The following KANK1 variants were observed in gnomAD, a reference collection of about 807,000 sequenced individuals.
The protein encoded by KANK1 is KN motif and ankyrin repeat domains 1, also known as KN motif and ankyrin repeat domain-containing protein 1.
KANK1 carries 109 observed loss-of-function variants against 106.2 expected under a neutral mutation model. The observed-to-expected ratio is 1.03, with a 90% confidence interval of 0.88 to 1.20. The LOEUF (loss-of-function observed/expected upper bound fraction) is 1.20. Ranked by LOEUF, KANK1 falls within the 50% of genes most tolerant of loss-of-function variation. KANK1 has a pLI of 0.00. For synonymous variants in KANK1, 873 were observed against 652.2 expected, an observed-to-expected ratio of 1.34 and a Z score of -5.16; for missense variants, 2,399 against 1,710.7, an observed-to-expected ratio of 1.40 and a Z score of -7.10.
At chr9:733,379 T>C (rs373378256) in intron 6 of KANK1, 111 of 152,370 alleles carry the variant, frequency 7.3e-4, no homozygotes, top group African/African-American at 2.6e-3. Flanking sequence ...TGTTTTTAGT[T>C]TATATTTCCA....
intron 2 of KANK1, among the ~76,000 whole-genome samples, chr9:709,978 C>G (rs189516911): frequency 1.3e-5 from 2 of 152,182 alleles, no homozygotes; most frequent in African/African-American, 4.8e-5. Context: ...ATGTGCTTGT[C>G]TCTTAATCAT....
In KANK1 at chr9:745,175, C is replaced by T. The variant is rs760957522; in HGVS notation, c.3999C>T (p.Gly1333=). The change falls in exon 12 of 12, where the codon GGC becomes GGT. Residue 1333 remains glycine, a splice_region_variant and synonymous_variant. Transcript: ENST00000382297. ...HVNFAKAQSP[G]TPRLGRKTSP... ...TTTTTTCCTTTCCTGGTCTCTAGGG[C>T]ACCCCTAGGCTTGGAAGGAAGACGT... is the stretch of plus-strand genomic sequence containing the variant. 1 of 1,613,918 alleles carries T rather than the reference C, an allele frequency of 6.2e-7. No homozygotes were observed. Among genetic ancestry groups the T allele is most frequent in the Non-Finnish European group, 8.5e-7 (1 of 1,179,874 alleles).
At chr9:542,903 C>T (rs190571038) in intron 1 of KANK1, among the ~76,000 whole-genome samples, 75 of 152,116 alleles carry the variant, frequency 4.9e-4, no homozygotes, top group African/African-American at 1.8e-3. Context: ...ATGAGCGGTG[C>T]TTGGGAGGGC....
Position 474,539 on chromosome 9 carries a change from A to G in KANK1, c.-362+1266A>G, listed in dbSNP as rs555923070. 4.6e-5 allele frequency among the ~76,000 whole-genome samples: 7 copies of G among 152,372 alleles called. No individual in the cohort carries two copies. In the South Asian group the frequency reaches 1.4e-3, roughly 32 times the overall value. On this transcript the variant is annotated intron_variant, in intron 3 of 15. Transcript: ENST00000382303. ...TCAGCGATTATTTTATTTGATGAAC[A>G]AAAGAAGGCAAATGTTCTTTCTTTG...
chr9:598,757 A>G (rs771437698), intron 1 of KANK1, among the ~76,000 whole-genome samples: 16 of 144,384 alleles, frequency 1.1e-4, no homozygotes, highest in Non-Finnish European at 2.1e-4. Flanking sequence ...CAGCCTCCTG[A>G]GTAGCTGAGA....
chr9:490,621 T>A (rs751952719), intron 3 of KANK1, among the ~76,000 whole-genome samples: 5 of 152,230 alleles, frequency 3.3e-5, no homozygotes, highest in Non-Finnish European at 7.3e-5. Context: ...GATAATTTCA[T>A]TATCAAATTT....
At chr9:593,938 C>T (rs1227423155) in intron 1 of KANK1, among the ~76,000 whole-genome samples, 2 of 151,890 alleles carry the variant, frequency 1.3e-5, no homozygotes, top group African/African-American at 4.9e-5. Context: ...CATGGGAACA[C>T]AAGATAAATT....
At chr9:606,059 A>G (rs1193063629) in intron 1 of KANK1, among the ~76,000 whole-genome samples, 1 of 151,010 alleles carries the variant, frequency 6.6e-6, no homozygotes, top group Non-Finnish European at 1.5e-5. Flanking sequence ...TAAGATGATC[A>G]TGTCTTCCCT....
intron 1 of KANK1, among the ~76,000 whole-genome samples, chr9:590,306 C>G (rs1377220589): frequency 6.8e-6 from 1 of 147,212 alleles, no homozygotes; most frequent in African/African-American, 2.5e-5. Context: ...ATGATAGATG[C>G]TTTCCTAATC....
At chr9:621,561 G>A (rs1480845920) in intron 1 of KANK1, among the ~76,000 whole-genome samples, 1 of 152,162 alleles carries the variant, frequency 6.6e-6, no homozygotes, top group Non-Finnish European at 1.5e-5. Context: ...ATCTTAAACT[G>A]CAAGGAATGT....
At chr9:684,094 C>G in intron 2 of KANK1, 3 of 896,102 alleles carry the variant, frequency 3.3e-6, no homozygotes, top group Non-Finnish European at 4.0e-6. Flanking sequence ...TGAAAAGCCC[C>G]TGGCTCATCA....
At chr9:706,543 C>T (rs933119339) in intron 2 of KANK1, among the ~76,000 whole-genome samples, 3 of 136,540 alleles carry the variant, frequency 2.2e-5, no homozygotes, top group Non-Finnish European at 3.2e-5. Context: ...CCTTTTTTTA[C>T]GTTCTTTAAA....
At chr9:565,690 G>A (rs546796977) in intron 1 of KANK1, among the ~76,000 whole-genome samples, 49 of 152,232 alleles carry the variant, frequency 3.2e-4, no homozygotes, top group African/African-American at 1.1e-3. Flanking sequence ...GTCATGAGTC[G>A]CAGGTCCAGG....
At chr9:732,756 AATATATACAAGTGC>A in intron 6 of KANK1, 139 bp downstream of exon 6, 1 of 900,108 alleles carries the variant, frequency 1.1e-6, no homozygotes, top group South Asian at 1.7e-5. Context: ...TTGAGATACT[AATATATACAAGTGC>A]AGAGTATTAC....
chr9:564,936 C>T (rs1399029143), intron 1 of KANK1, among the ~76,000 whole-genome samples: 1 of 152,182 alleles, frequency 6.6e-6, no homozygotes, highest in Non-Finnish European at 1.5e-5. Flanking sequence ...AGACACTTGG[C>T]ACAGACATGG....
At chr9:626,329 C>T (rs1834334791) in intron 1 of KANK1, among the ~76,000 whole-genome samples, 1 of 152,114 alleles carries the variant, frequency 6.6e-6, no homozygotes, top group East Asian at 1.9e-4. Flanking sequence ...GTGGTACATG[C>T]CTGTAGTCCC....
chr9:561,581 C>A (rs1816457814), intron 1 of KANK1, among the ~76,000 whole-genome samples: 1 of 152,202 alleles, frequency 6.6e-6, no homozygotes, highest in Non-Finnish European at 1.5e-5. Context: ...GTACTATTTA[C>A]TTATGGCTTT....
intron 1 of KANK1, among the ~76,000 whole-genome samples, chr9:662,155 C>G (rs1425281394): frequency 6.6e-6 from 1 of 151,988 alleles, no homozygotes; most frequent in Non-Finnish European, 1.5e-5. Flanking sequence ...AAGTACAAAC[C>G]ACTGCTCAAC....
intron 1 of KANK1, among the ~76,000 whole-genome samples, chr9:561,505 C>T (rs994343311): frequency 2.6e-5 from 4 of 152,220 alleles, no homozygotes; most frequent in Non-Finnish European, 4.4e-5. Flanking sequence ...ACACTCATCA[C>T]TGTGCATTTG....
Sources: gnomAD v4.1 joint callset for allele counts (sites outside exome capture counted in the v4.1 genomes callset) on GRCh38, gnomAD v4.1.1 for gene constraint, MANE v1.5 for transcripts, NCBI Gene and HGNC (gene_info 2026-07-23, HGNC 2026-07-21) for gene names.